The following CDH23 variants were observed in gnomAD, a reference collection of about 807,000 sequenced individuals.
CDH23 encodes the protein cadherin-23.
In CDH23, 189 loss-of-function variants were observed where a neutral mutation model predicts 317.1. That is an observed-to-expected ratio of 0.60 (90% confidence interval 0.53 to 0.67). The LOEUF is 0.67. Among genes scored for constraint, CDH23 ranks in the 30% least tolerant of loss-of-function variants. The pLI is 0.00. For synonymous variants in CDH23, 1,839 were observed against 1,876.8 expected (o/e 0.98, Z 0.52); for missense variants, 4,401 against 4,592.4 (o/e 0.96, Z 1.20).
chr10:71,493,713 T>A (rs1852793654), intron 3 of CDH23, among the ~76,000 whole-genome samples: 1 of 152,184 alleles, frequency 6.6e-6, no homozygotes. Flanking sequence ...CTGTTCAGAT[T>A]TTTTTTCTAA....
chr10:71,435,808 T>G (rs1030599484), intron 1 of CDH23, among the ~76,000 whole-genome samples: 1 of 152,128 alleles, frequency 6.6e-6, no homozygotes, highest in African/African-American at 2.4e-5. Context: ...CAGAGTGAGG[T>G]CAGGCTCTCC....
Position 71,564,670 on chromosome 10 carries a change from C to T in CDH23, c.430-2072C>T, listed in dbSNP as rs186534220. Among the ~76,000 whole-genome samples the T allele has an allele frequency of 1.9e-4, 29 of 152,336 alleles. No homozygotes were observed. The East Asian group carries it at 5.0e-3, about 26-fold the overall frequency. On this transcript the variant is annotated intron_variant, in intron 6 of 69. Coordinates refer to ENST00000224721, the MANE Select transcript of CDH23 (RefSeq NM_022124.6). ...CTGGAGAGCTGACATCTCACGGGAG[C>T]CGTCCCTCTCCTCTGGGCGCCAGCT...
intron 20 of CDH23, among the ~76,000 whole-genome samples, chr10:71,692,799 G>A (rs778715304): frequency 1.3e-5 from 2 of 152,178 alleles, no homozygotes; most frequent in Non-Finnish European, 2.9e-5. Flanking sequence ...ACTTGGCCCA[G>A]GTCACACAGC....
intron 1 of CDH23, among the ~76,000 whole-genome samples, chr10:71,413,716 A>T (rs1171115341): frequency 6.6e-6 from 1 of 151,876 alleles, no homozygotes; most frequent in Non-Finnish European, 1.5e-5. Flanking sequence ...TGTTTTTTTT[A>T]GAGATGAGGT....
chr10:71,699,193 C>G (rs1865497032), intron 22 of CDH23, among the ~76,000 whole-genome samples: 1 of 152,250 alleles, frequency 6.6e-6, no homozygotes, highest in Admixed American at 6.5e-5. Context: ...CAAAATATTT[C>G]AAAATATGTG....
chr10:71,648,633 T>C (rs1232934122), intron 14 of CDH23, among the ~76,000 whole-genome samples: 1 of 152,096 alleles, frequency 6.6e-6, no homozygotes, highest in Admixed American at 6.5e-5. Flanking sequence ...CAAGGACAGC[T>C]GTGTCAGGCC....
chr10:71,477,273 A>G (rs1208952582), intron 3 of CDH23, among the ~76,000 whole-genome samples: 1 of 152,060 alleles, frequency 6.6e-6, no homozygotes, highest in Non-Finnish European at 1.5e-5. Flanking sequence ...GGTTCAAGCG[A>G]TTCTCCTGCC....
intron 41 of CDH23, 149 bp downstream of exon 41, chr10:71,779,596 T>G (rs12218695): frequency 1.7e-6 from 1 of 601,666 alleles, no homozygotes; most frequent in African/African-American, 1.8e-5. Context: ...ATGACAATGA[T>G]GGAAATAATC....
intron 3 of CDH23, among the ~76,000 whole-genome samples, chr10:71,452,065 G>A (rs567462384): frequency 1.3e-5 from 2 of 152,318 alleles, no homozygotes; most frequent in African/African-American, 4.8e-5. Context: ...GCTTGTGAAC[G>A]GCAAGGCCCG....
chr10:71,679,021 G>T (rs189198783), intron 16 of CDH23, among the ~76,000 whole-genome samples: 1 of 152,228 alleles, frequency 6.6e-6, no homozygotes, highest in East Asian at 1.9e-4. Context: ...AGTCAGGGAG[G>T]GCATCTGCAG....
chr10:71,807,959 C>CG lies in CDH23; in HGVS notation c.8677dup (p.Ala2893GlyfsTer7). Reference sequence around the variant, plus strand: ...CAGCATTCTGGCCATCCACTACTTCCGGGCCCTTGCCAACGACTCTGAAGA... The same window carrying CG: ...CAGCATTCTGGCCATCCACTACTTCCGGGGCCCTTGCCAACGACTCTGAAGA... On this transcript the variant is annotated frameshift_variant, in exon 60 of 70. Coordinates refer to ENST00000224721, the MANE Select transcript of CDH23 (RefSeq NM_022124.6). LOFTEE classifies it high-confidence loss of function. 1.2e-6 allele frequency: 2 copies of CG among 1,600,226 alleles called. No homozygotes were observed. The highest frequency in any genetic ancestry group is 1.7e-6 in the Non-Finnish European group (2 of 1,173,124).
intron 28 of CDH23, chr10:71,713,068 C>G: frequency 2.7e-6 from 2 of 745,014 alleles, no homozygotes; most frequent in Non-Finnish European, 5.0e-6. Context: ...TTGGCCTCCC[C>G]CTGCATATCT....
At chr10:71,712,581 G>T in intron 27 of CDH23, 84 bp from the exon 28 acceptor site, 1 of 1,519,714 alleles carries the variant, frequency 6.6e-7, no homozygotes. Context: ...CTCTCTGGCC[G>T]GTGCCCGGGA....
intron 51 of CDH23, 26 bp from the exon 52 acceptor site, chr10:71,799,466 C>A (rs1841496063): frequency 1.9e-6 from 3 of 1,613,820 alleles, no homozygotes; most frequent in Non-Finnish European, 2.5e-6. Context: ...TTGGCCTACT[C>A]TCTCTCCCTG....
intron 9 of CDH23, among the ~76,000 whole-genome samples, chr10:71,579,990 G>A (rs1472847249): frequency 6.6e-6 from 1 of 152,196 alleles, no homozygotes; most frequent in African/African-American, 2.4e-5. Context: ...CAGCCTGGAT[G>A]GAGGTGGGGA....
At chr10:71,641,616 C>T (rs1028506334) in intron 11 of CDH23, among the ~76,000 whole-genome samples, 10 of 152,174 alleles carry the variant, frequency 6.6e-5, no homozygotes, top group African/African-American at 2.4e-4. Context: ...AGTTACAGGC[C>T]TCAACCCAGG....
chr10:71,451,965 G>A (rs1459709546), intron 3 of CDH23, among the ~76,000 whole-genome samples: 2 of 152,232 alleles, frequency 1.3e-5, no homozygotes, highest in Non-Finnish European at 2.9e-5. Flanking sequence ...TGTCGGGAGC[G>A]AGGTGTTGGT....
intron 34 of CDH23, chr10:71,737,775 C>T (rs1039088909): frequency 2.1e-6 from 1 of 469,658 alleles, no homozygotes. Flanking sequence ...GACTGGAGGC[C>T]TCACCCGCGG....
At chr10:71,532,705 G>GTTTT (rs1564636223) in intron 6 of CDH23, among the ~76,000 whole-genome samples, 7 of 59,692 alleles carry the variant, frequency 1.2e-4, no homozygotes, top group Non-Finnish European at 1.7e-4. Flanking sequence ...GTTTTCTTTT[G>GTTTT]TTTTTGTTTT....
Sources: gnomAD v4.1 joint callset for allele counts (sites outside exome capture counted in the v4.1 genomes callset) on GRCh38, gnomAD v4.1.1 for gene constraint, MANE v1.5 for transcripts, NCBI Gene and HGNC (gene_info 2026-07-23, HGNC 2026-07-21) for gene names.